Variants in EPHA6 observed in about 807,000 individuals in gnomAD.
EPHA6 encodes ephrin type-A receptor 6.
A neutral mutation model predicts 112.0 loss-of-function variants in EPHA6; 50 were observed. The ratio of observed to expected loss-of-function variants is 0.45; its 90% CI spans 0.36 to 0.56. EPHA6 has a LOEUF of 0.56. EPHA6 is among the 20% of genes least tolerant of loss of function. The pLI is 0.00. For missense variants in EPHA6, 1,280 were observed against 1,417.4 expected, an observed-to-expected ratio of 0.90 and a Z score of 1.56; for synonymous variants, 529 against 490.7, an observed-to-expected ratio of 1.08 and a Z score of -1.03.
At chr3:97,273,656 C>A (rs1000284274) in intron 5 of EPHA6, among the ~76,000 whole-genome samples, 1 of 152,220 alleles carries the variant, frequency 6.6e-6, no homozygotes, top group Non-Finnish European at 1.5e-5. Flanking sequence ...TTCTACCTTT[C>A]CTGAAGACTG....
chr3:97,502,008 G>A (rs1265866702), intron 10 of EPHA6, among the ~76,000 whole-genome samples: 1 of 151,804 alleles, frequency 6.6e-6, no homozygotes, highest in Non-Finnish European at 1.5e-5. Context: ...ATGGAGACAA[G>A]ACAAGATGAT....
At chr3:97,349,513 A>G (rs920350051) in intron 5 of EPHA6, among the ~76,000 whole-genome samples, 2 of 152,112 alleles carry the variant, frequency 1.3e-5, no homozygotes, top group South Asian at 2.1e-4. Context: ...GATATATAAT[A>G]TCTTCCACAA....
intron 3 of EPHA6, among the ~76,000 whole-genome samples, chr3:97,145,270 T>A (rs1369003122): frequency 6.6e-6 from 1 of 151,534 alleles, no homozygotes; most frequent in Non-Finnish European, 1.5e-5. Context: ...GAGAACTTAC[T>A]CTAATTTTTC....
chr3:97,079,417 T>G (rs2046645338), intron 3 of EPHA6, among the ~76,000 whole-genome samples: 1 of 151,804 alleles, frequency 6.6e-6, no homozygotes, highest in Non-Finnish European at 1.5e-5. Context: ...ACAGACACAT[T>G]GAGGGGAACA....
At chr3:97,172,271 T>C (rs2076724126) in intron 3 of EPHA6, among the ~76,000 whole-genome samples, 1 of 152,070 alleles carries the variant, frequency 6.6e-6, no homozygotes, top group South Asian at 2.1e-4. Context: ...CCTCTGGATA[T>C]GTAACTATTT....
intron 5 of EPHA6, among the ~76,000 whole-genome samples, chr3:97,270,776 G>A (rs1168810514): frequency 6.6e-6 from 1 of 152,212 alleles, no homozygotes; most frequent in African/African-American, 2.4e-5. Flanking sequence ...AACTACAAAA[G>A]ATGTCTCCAG....
intron 13 of EPHA6, 84 bp from the exon 14 acceptor site, chr3:97,637,789 A>G: frequency 1.0e-6 from 1 of 991,348 alleles, no homozygotes; most frequent in Non-Finnish European, 1.6e-6. Flanking sequence ...ATCCAATAAA[A>G]TAAATATAAG....
intron 3 of EPHA6, among the ~76,000 whole-genome samples, chr3:97,110,555 C>T (rs1467094448): frequency 1.3e-5 from 2 of 152,066 alleles, no homozygotes; most frequent in Admixed American, 6.6e-5. Flanking sequence ...GACAGAGTCT[C>T]ACTCTGTTGC....
intron 12 of EPHA6, among the ~76,000 whole-genome samples, chr3:97,593,820 T>C (rs929551211): frequency 1.3e-5 from 2 of 152,214 alleles, no homozygotes; most frequent in Non-Finnish European, 2.9e-5. Flanking sequence ...AATTTATTGA[T>C]GTGGTTAGAT....
chr3:97,715,381 A>C (rs2034168958), intron 14 of EPHA6, among the ~76,000 whole-genome samples: 1 of 152,240 alleles, frequency 6.6e-6, no homozygotes, highest in Non-Finnish European at 1.5e-5. Context: ...TTTGTATTTC[A>C]GAAAGAAAAA....
intron 3 of EPHA6, among the ~76,000 whole-genome samples, chr3:97,103,069 TC>T (rs2047451886): frequency 1.3e-5 from 2 of 152,154 alleles, no homozygotes; most frequent in African/African-American, 4.8e-5. Context: ...TTTCTTCCAT[TC>T]TGTAGGTTGT....
chr3:97,358,597 AC>A (rs1269173924), intron 5 of EPHA6, among the ~76,000 whole-genome samples: 13 of 152,274 alleles, frequency 8.5e-5, no homozygotes, highest in African/African-American at 3.1e-4. Flanking sequence ...AAACCTTTGT[AC>A]AATAATACTT....
At chr3:97,010,095 G>C (rs889120041) in intron 3 of EPHA6, 2 of 1,277,752 alleles carry the variant, frequency 1.6e-6, no homozygotes, top group Non-Finnish European at 2.0e-6. Context: ...CAAAAGAGTA[G>C]CATTACTAAA....
intron 1 of EPHA6, among the ~76,000 whole-genome samples, chr3:96,844,451 T>G: frequency 6.6e-6 from 1 of 152,046 alleles, no homozygotes; most frequent in East Asian, 1.9e-4. Flanking sequence ...GGACATATGT[T>G]ACTTTTTCTA....
chr3:97,080,070 T>C (rs1399498738), intron 3 of EPHA6, among the ~76,000 whole-genome samples: 2 of 152,072 alleles, frequency 1.3e-5, no homozygotes, highest in Non-Finnish European at 2.9e-5. Flanking sequence ...TTTATTGGGG[T>C]GGTTTGTTAC....
chr3:96,817,771 C>T (rs1452020752), intron 1 of EPHA6, among the ~76,000 whole-genome samples: 1 of 151,824 alleles, frequency 6.6e-6, no homozygotes, highest in Non-Finnish European at 1.5e-5. Flanking sequence ...ACCCCAATCC[C>T]CATTTTTCCA....
At chr3:96,904,175 G>C (rs1200813821) in intron 2 of EPHA6, among the ~76,000 whole-genome samples, 16 of 151,858 alleles carry the variant, frequency 1.1e-4, no homozygotes, top group Non-Finnish European at 2.9e-5. Context: ...TATTGTGGCA[G>C]TATTCACAAT....
At chr3:97,126,937 G>A (rs551993286) in intron 3 of EPHA6, among the ~76,000 whole-genome samples, 3 of 147,854 alleles carry the variant, frequency 2.0e-5, no homozygotes, top group Non-Finnish European at 4.5e-5. Flanking sequence ...ATTGAGAAAC[G>A]AAAGAAAAAA....
chr3:97,194,852 A>G (rs1165291510), intron 3 of EPHA6, among the ~76,000 whole-genome samples: 1 of 151,836 alleles, frequency 6.6e-6, no homozygotes, highest in South Asian at 2.1e-4. Context: ...CTTTGTTTTG[A>G]AATCTATTTT....
Sources: gnomAD v4.1 joint callset for allele counts (sites outside exome capture counted in the v4.1 genomes callset) on GRCh38, gnomAD v4.1.1 for gene constraint, MANE v1.5 for transcripts, NCBI Gene and HGNC (gene_info 2026-07-23, HGNC 2026-07-21) for gene names.